Variants in SNHG17 observed in about 807,000 individuals in gnomAD.
SNHG17 encodes small nucleolar RNA host gene 17 (non-protein coding).
chr20:38,423,092 CAA>C (rs760496901), intron 5 of SNHG17, among the ~76,000 whole-genome samples: 2 of 136,674 alleles, frequency 1.5e-5, no homozygotes. Flanking sequence ...AACTCCATCT[CAA>C]AAAAAAAAAA....
intron 5 of SNHG17, among the ~76,000 whole-genome samples, chr20:38,424,709 G>C (rs927219805): frequency 6.6e-6 from 1 of 152,170 alleles, no homozygotes; most frequent in Non-Finnish European, 1.5e-5. Context: ...AGGTGGGAAG[G>C]AGTGTGATGG....
chr20:38,431,521 A>T (rs1258577753), intron 2 of SNHG17, among the ~76,000 whole-genome samples: 1 of 152,208 alleles, frequency 6.6e-6, no homozygotes, highest in Non-Finnish European at 1.5e-5. Flanking sequence ...CTTGTCCCAC[A>T]TAAACGGAAC....
At chr20:38,423,653 C>T (rs1259372528) in intron 5 of SNHG17, among the ~76,000 whole-genome samples, 1 of 151,066 alleles carries the variant, frequency 6.6e-6, no homozygotes, top group Non-Finnish European at 1.5e-5. Flanking sequence ...CAAAGGACAC[C>T]AAGTAGCAGA....
chr20:38,434,959 C>A (rs1184910707), intron 1 of SNHG17: 1 of 1,228,308 alleles, frequency 8.1e-7, no homozygotes, highest in African/African-American at 1.6e-5. Flanking sequence ...AGAGTAGCTG[C>A]GCGGACAGGG....
At chr20:38,433,526 G>C (rs1044694767) in intron 2 of SNHG17, among the ~76,000 whole-genome samples, 3 of 152,144 alleles carry the variant, frequency 2.0e-5, no homozygotes, top group Non-Finnish European at 4.4e-5. Context: ...GAGTACAGGA[G>C]TTCAAGCTAT....
chr20:38,425,214 A>G, intron 5 of SNHG17: 1 of 519,160 alleles, frequency 1.9e-6, no homozygotes, highest in Non-Finnish European at 3.8e-6. Flanking sequence ...AAAGCTCCAG[A>G]GTTTGGAAGG....
At chr20:38,430,781 T>C (rs2084330026) in intron 3 of SNHG17, 1 of 152,254 alleles carries the variant, frequency 6.6e-6, no homozygotes, top group African/African-American at 2.4e-5. Context: ...AACACATGGT[T>C]TTCCTCTCAA....
At chr20:38,425,972 T>C (rs998777996) in exon 5 of SNHG17, 2 of 145,596 alleles carry the variant, frequency 1.4e-5, no homozygotes, top group East Asian at 2.0e-4. Flanking sequence ...AGGTGGAGGA[T>C]CACTTGAGCC....
rs765781057 is a variant in SNHG17, at chr20:38,426,995, T to TACACACACACACAC, written n.381-506_381-493dup. On this transcript the variant is annotated intron_variant and non_coding_transcript_variant, in intron 3 of 8. Coordinates refer to ENST00000654008, the Ensembl canonical transcript of SNHG17. ...CCCTATCCTGTCCCCAAGTTACACATACACACACACACACACACACACACA... is the reference window on the plus strand; with the variant it reads ...CCCTATCCTGTCCCCAAGTTACACATACACACACACACACACACACACACACACACACACACACA... 2.3e-3 allele frequency among the ~76,000 whole-genome samples: 286 copies of TACACACACACACAC among 125,622 alleles called. 6 individuals are homozygous for TACACACACACACAC. Among genetic ancestry groups the TACACACACACACAC allele is most frequent in the African/African-American group, 7.7e-3 (269 of 35,150 alleles). 82.4% of individuals were successfully genotyped at this position (125,622 alleles called of 152,430 possible).
At chr20:38,430,787 C>T (rs902742310) in intron 3 of SNHG17, 2 of 152,222 alleles carry the variant, frequency 1.3e-5, no homozygotes, top group Non-Finnish European at 2.9e-5. Context: ...TGGTTTTCCT[C>T]TCAACATGAC....
chr20:38,422,867 G>C (rs2084182201), intron 5 of SNHG17, among the ~76,000 whole-genome samples: 1 of 152,134 alleles, frequency 6.6e-6, no homozygotes, highest in African/African-American at 2.4e-5. Context: ...GAGGTGGGTG[G>C]ATCACTTGAG....
chr20:38,425,311 C>T lies in SNHG17; in HGVS notation n.579+624G>A, dbSNP rs750934738. On this transcript the variant is annotated intron_variant and non_coding_transcript_variant, in intron 5 of 8. Coordinates refer to ENST00000654008, the Ensembl canonical transcript of SNHG17. The stretch of plus-strand genomic sequence containing the variant: ...CAATGACCAGGGCAAAGGCAGCCCA[C>T]GATCACTTTCGAATACAGGGACAAA... 8 of 519,016 alleles carry T rather than the reference C, an allele frequency of 1.5e-5. 1 individual carries two copies. The highest frequency in any genetic ancestry group is 7.0e-5 in the South Asian group (5 of 71,588). 32.2% of individuals were successfully genotyped at this position (519,016 alleles called of 1,614,324 possible).
chr20:38,424,446 TCA>T (rs1372792127), intron 5 of SNHG17, among the ~76,000 whole-genome samples: 18 of 152,222 alleles, frequency 1.2e-4, no homozygotes, highest in Non-Finnish European at 2.4e-4. Flanking sequence ...TGGACGCTCC[TCA>T]CAGCCAGGAC....
intron 2 of SNHG17, among the ~76,000 whole-genome samples, chr20:38,431,464 G>C (rs2084340755): frequency 6.6e-6 from 1 of 152,196 alleles, no homozygotes; most frequent in Admixed American, 6.5e-5. Flanking sequence ...AAAATGGCCT[G>C]AGCCAGGACA....
At chr20:38,425,391 C>A in intron 5 of SNHG17, 1 of 485,688 alleles carries the variant, frequency 2.1e-6, no homozygotes, top group South Asian at 1.5e-5. Context: ...TAGGAAGGGC[C>A]CAAACTAAGA....
chr20:38,429,493 G>A (rs1416613539), intron 3 of SNHG17, among the ~76,000 whole-genome samples: 1 of 152,144 alleles, frequency 6.6e-6, no homozygotes, highest in Non-Finnish European at 1.5e-5. Context: ...GAAGGAGCAG[G>A]GCAGCCCTAT....
Position 38,434,966 on chromosome 20 carries a change from A to AG in SNHG17, n.185+230dup, listed in dbSNP as rs2084407285. 4.9e-6 allele frequency: 6 copies of AG among 1,228,378 alleles called. No homozygotes were observed. In the South Asian group the frequency reaches 1.7e-4, roughly 35 times the overall value. The allele number at this position is 1,228,378 out of a possible 1,614,324, so 76.1% of individuals were successfully genotyped here. On this transcript the variant is annotated intron_variant and non_coding_transcript_variant, in intron 1 of 8. Transcript: ENST00000654008. ...CTCCCCGCAGAGTAGCTGCGCGGAC[A>AG]GGGGGTCTGACGACCGCACGTGGCC...
intron 3 of SNHG17, chr20:38,429,699 C>G (rs1415985020): frequency 2.0e-6 from 1 of 504,278 alleles, no homozygotes. Flanking sequence ...TTGGAAGAGA[C>G]AGGAGTGGAC....
At chr20:38,432,683 C>T (rs184109431) in intron 2 of SNHG17, among the ~76,000 whole-genome samples, 1 of 152,306 alleles carries the variant, frequency 6.6e-6, no homozygotes, top group Admixed American at 6.5e-5. Context: ...TAAGCCCTGT[C>T]ACCTTACAAC....
Sources: allele counts gnomAD v4.1 joint callset (sites outside exome capture counted in the v4.1 genomes callset), GRCh38; gene constraint gnomAD v4.1.1; transcripts MANE v1.5; gene names NCBI Gene and HGNC (gene_info 2026-07-23, HGNC 2026-07-21).